Variants in PTPRD observed in about 807,000 individuals in gnomAD.
PTPRD encodes the protein protein tyrosine phosphatase receptor type D.
Under a neutral mutation model 214.5 loss-of-function variants are expected in PTPRD, and 34 were observed. That is an observed-to-expected ratio of 0.16 (90% confidence interval 0.12 to 0.21). The LOEUF is 0.21. Ranked by LOEUF, PTPRD falls within the 10% of genes least tolerant of loss-of-function variation. PTPRD has a pLI of 1.00. For synonymous variants in PTPRD, 1,128 were observed against 845.7 expected (o/e 1.33, Z -5.79); for missense variants, 2,545 against 2,398.7 (o/e 1.06, Z -1.27).
chr9:9,020,122 T>G (rs190820111), intron 10 of PTPRD, among the ~76,000 whole-genome samples: 1 of 152,188 alleles, frequency 6.6e-6, no homozygotes. Flanking sequence ...TTATCTTGAT[T>G]GTGCTCAAGA....
At chr9:10,321,786 G>C (rs1285466197) in intron 3 of PTPRD, among the ~76,000 whole-genome samples, 2 of 152,006 alleles carry the variant, frequency 1.3e-5, no homozygotes, top group Non-Finnish European at 2.9e-5. Context: ...TGATTAGAAT[G>C]GCTGACTCCT....
intron 10 of PTPRD, among the ~76,000 whole-genome samples, chr9:9,170,778 A>G (rs1425982394): frequency 6.6e-6 from 1 of 152,230 alleles, no homozygotes; most frequent in Non-Finnish European, 1.5e-5. Flanking sequence ...AAGTAGGAAG[A>G]CAGTAAGTTG....
At chr9:10,250,282 G>T (rs1564789379) in intron 3 of PTPRD, among the ~76,000 whole-genome samples, 1 of 152,034 alleles carries the variant, frequency 6.6e-6, no homozygotes, top group Non-Finnish European at 1.5e-5. Context: ...TGAAATATAT[G>T]CCATGTATGT....
chr9:10,135,556 A>T (rs2098936510), intron 3 of PTPRD, among the ~76,000 whole-genome samples: 1 of 152,126 alleles, frequency 6.6e-6, no homozygotes, highest in Non-Finnish European at 1.5e-5. Context: ...ACAAGCCAGG[A>T]AAGATGGGGG....
chr9:9,959,650 G>A (rs2094209006), intron 4 of PTPRD, among the ~76,000 whole-genome samples: 1 of 152,168 alleles, frequency 6.6e-6, no homozygotes, highest in African/African-American at 2.4e-5. Flanking sequence ...AGTCTATAAT[G>A]CTAGAGGCAA....
chr9:8,760,234 G>C (rs1201648349), intron 11 of PTPRD, among the ~76,000 whole-genome samples: 1 of 151,942 alleles, frequency 6.6e-6, no homozygotes. Context: ...AAGAAGCTTA[G>C]TCAGAATTTT....
chr9:9,305,536 T>C (rs1301430289), intron 9 of PTPRD, among the ~76,000 whole-genome samples: 1 of 152,128 alleles, frequency 6.6e-6, no homozygotes, highest in African/African-American at 2.4e-5. Context: ...TGCCATGCCA[T>C]ATATTGGATT....
chr9:9,021,958 C>T (rs2099571307), intron 10 of PTPRD, among the ~76,000 whole-genome samples: 1 of 150,660 alleles, frequency 6.6e-6, no homozygotes, highest in South Asian at 2.1e-4. Flanking sequence ...GAACATCACA[C>T]ACTGGGACAT....
intron 3 of PTPRD, among the ~76,000 whole-genome samples, chr9:10,268,292 T>TG (rs2094205159): frequency 3.1e-5 from 1 of 32,246 alleles, no homozygotes. Context: ...TCTGTTGCTA[T>TG]AAATAATAAT....
At chr9:10,178,290 T>C (rs1282764998) in intron 3 of PTPRD, among the ~76,000 whole-genome samples, 1 of 151,940 alleles carries the variant, frequency 6.6e-6, no homozygotes, top group Non-Finnish European at 1.5e-5. Flanking sequence ...CCCGGGATAT[T>C]GTTTCTTTCC....
At chr9:8,539,542 C>A (rs1412234842) in intron 14 of PTPRD, among the ~76,000 whole-genome samples, 3 of 151,782 alleles carry the variant, frequency 2.0e-5, no homozygotes, top group South Asian at 2.1e-4. Context: ...AAATTAGTAA[C>A]TTTACATTGG....
chr9:9,709,777 T>G (rs1486338814), intron 7 of PTPRD, among the ~76,000 whole-genome samples: 5 of 152,046 alleles, frequency 3.3e-5, no homozygotes, highest in African/African-American at 7.2e-5. Flanking sequence ...TAATCACCAT[T>G]GATATAGTAG....
chr9:9,649,328 T>G (rs1264855881), intron 7 of PTPRD, among the ~76,000 whole-genome samples: 1 of 152,164 alleles, frequency 6.6e-6, no homozygotes, highest in East Asian at 1.9e-4. Flanking sequence ...ATATTACATT[T>G]TAGAGTCAAA....
At chr9:9,806,791 A>T (rs1325672513) in intron 5 of PTPRD, among the ~76,000 whole-genome samples, 1 of 152,130 alleles carries the variant, frequency 6.6e-6, no homozygotes, top group African/African-American at 2.4e-5. Flanking sequence ...ACTAAGAGGC[A>T]AAATGGCGGG....
At chr9:9,145,385 AAAG>A (rs2099866905) in intron 10 of PTPRD, among the ~76,000 whole-genome samples, 1 of 152,176 alleles carries the variant, frequency 6.6e-6, no homozygotes, top group Non-Finnish European at 1.5e-5. Context: ...TAGGGGAAAA[AAAG>A]AAAAGTATAT....
intron 12 of PTPRD, among the ~76,000 whole-genome samples, chr9:8,669,650 G>A (rs1052330161): frequency 1.3e-5 from 2 of 152,154 alleles, no homozygotes; most frequent in Admixed American, 6.5e-5. Context: ...AGAGAGACAA[G>A]GACCTTTTAG....
At chr9:9,709,617 C>T (rs376577051) in intron 7 of PTPRD, among the ~76,000 whole-genome samples, 3 of 151,950 alleles carry the variant, frequency 2.0e-5, no homozygotes, top group South Asian at 4.1e-4. Context: ...TTAAGTAGTA[C>T]ATTTCACATT....
chr9:9,113,078 C>T (rs1292946064), intron 10 of PTPRD, among the ~76,000 whole-genome samples: 2 of 151,886 alleles, frequency 1.3e-5, no homozygotes, highest in East Asian at 3.9e-4. Flanking sequence ...GATCCTCCTC[C>T]CTCAGCCTCC....
At chr9:9,951,668 C>T (rs1338061632) in intron 4 of PTPRD, among the ~76,000 whole-genome samples, 1 of 152,264 alleles carries the variant, frequency 6.6e-6, no homozygotes. Context: ...TTCCTTCCTA[C>T]AGCCCCTCTA....
Sources: allele counts gnomAD v4.1 joint callset (sites outside exome capture counted in the v4.1 genomes callset), GRCh38; gene constraint gnomAD v4.1.1; transcripts MANE v1.5; gene names NCBI Gene and HGNC (gene_info 2026-07-23, HGNC 2026-07-21).